The following ARHGAP22 variants were observed in gnomAD, a reference collection of about 807,000 sequenced individuals.
ARHGAP22 encodes the protein Rho GTPase activating protein 22, also known as rho GTPase-activating protein 22.
ARHGAP22 carries 48 observed loss-of-function variants against 59.1 expected under a neutral mutation model. The observed-to-expected ratio is 0.81, with a 90% confidence interval of 0.64 to 1.03. The LOEUF (loss-of-function observed/expected upper bound fraction) is 1.03, where lower values mean the gene tolerates loss of function less well. Among genes scored for constraint, ARHGAP22 ranks in the 50% least tolerant of loss-of-function variants. The pLI, the probability that ARHGAP22 is intolerant of heterozygous loss-of-function variation, is 0.00. For missense variants in ARHGAP22, 1,015 were observed against 958.7 expected (o/e 1.06, Z -0.78); for synonymous variants, 445 against 416.4 (o/e 1.07, Z -0.84).
At chr10:48,654,805 TCTTTCTTTCTTTCTTTCTTTCTTC>T (rs1437215004), upstream of ARHGAP22, among the ~76,000 whole-genome samples, 2 of 127,288 alleles carry the variant, frequency 1.6e-5, no homozygotes, top group Non-Finnish European at 3.5e-5. Context: ...TTTCTTTCTT[TCTTTCTTTCTTTCTTTCTTTCTTC>T]CTTCCTTCCT....
chr10:48,501,526 T>G (rs952012718), intron 3 of ARHGAP22, among the ~76,000 whole-genome samples: 1 of 152,220 alleles, frequency 6.6e-6, no homozygotes, highest in African/African-American at 2.4e-5. Context: ...TGGGCAGACC[T>G]TCGAGCTGTT....
chr10:48,491,479 T>A (rs2050382422), intron 3 of ARHGAP22, among the ~76,000 whole-genome samples: 1 of 152,262 alleles, frequency 6.6e-6, no homozygotes, highest in Non-Finnish European at 1.5e-5. Flanking sequence ...CTGATTGCAA[T>A]CAATACACTC....
At chr10:48,500,736 C>A (rs1390907904) in intron 3 of ARHGAP22, among the ~76,000 whole-genome samples, 1 of 151,726 alleles carries the variant, frequency 6.6e-6, no homozygotes, top group Non-Finnish European at 1.5e-5. Flanking sequence ...ACTAAAAATA[C>A]AAAAATTAGC....
chr10:48,654,390 C>T (rs892885691), upstream of ARHGAP22, among the ~76,000 whole-genome samples: 3 of 152,252 alleles, frequency 2.0e-5, no homozygotes, highest in African/African-American at 4.8e-5. Context: ...TCCCTACTCT[C>T]CCAAACATCT....
intron 4 of ARHGAP22, among the ~76,000 whole-genome samples, chr10:48,468,839 G>A (rs751655891): frequency 1.3e-5 from 2 of 152,064 alleles, no homozygotes; most frequent in African/African-American, 4.8e-5. Context: ...GTGGGGCCGC[G>A]GAGCTGTTTT....
intron 3 of ARHGAP22, among the ~76,000 whole-genome samples, chr10:48,519,422 T>C (rs1263170142): frequency 3.3e-5 from 5 of 152,242 alleles, no homozygotes; most frequent in Admixed American, 6.5e-5. Flanking sequence ...AGAGCTCATC[T>C]ATTACAATGC....
At chr10:48,429,875 T>A in the ARHGAP22 span, 7 of 152,196 alleles carry the variant, frequency 4.6e-5, no homozygotes, top group African/African-American at 1.7e-4. Flanking sequence ...ACAGACTCCT[T>A]GAAATTCGAT....
intron 3 of ARHGAP22, among the ~76,000 whole-genome samples, chr10:48,500,417 C>T (rs935571755): frequency 1.3e-5 from 2 of 151,940 alleles, no homozygotes; most frequent in African/African-American, 4.8e-5. Context: ...GGTGGCATGA[C>T]CAGAGAAAGA....
intron 3 of ARHGAP22, among the ~76,000 whole-genome samples, chr10:48,506,483 T>C (rs530876720): frequency 5.9e-5 from 9 of 152,336 alleles, no homozygotes; most frequent in Admixed American, 2.0e-4. Context: ...ATGCAATCTA[T>C]TGACTTAAAC....
At chr10:48,590,187 C>T (rs756948341) in intron 1 of ARHGAP22, among the ~76,000 whole-genome samples, 89 of 151,784 alleles carry the variant, frequency 5.9e-4, no homozygotes, top group Non-Finnish European at 1.1e-3. Context: ...CAGGAATGTT[C>T]CCTGCAAGCA....
chr10:48,655,270 G>T (rs901764471), upstream of ARHGAP22, among the ~76,000 whole-genome samples: 2 of 140,090 alleles, frequency 1.4e-5, no homozygotes, highest in Non-Finnish European at 3.1e-5. Context: ...GGGGGGGGGG[G>T]GCGGGGGACG....
At chr10:48,573,798 A>G (rs1333125620) in intron 2 of ARHGAP22, among the ~76,000 whole-genome samples, 1 of 152,248 alleles carries the variant, frequency 6.6e-6, no homozygotes, top group East Asian at 1.9e-4. Flanking sequence ...GAGGGCTTCA[A>G]TGATCTTCCC....
At chr10:48,575,913 T>C (rs892884549) in intron 2 of ARHGAP22, among the ~76,000 whole-genome samples, 1 of 152,216 alleles carries the variant, frequency 6.6e-6, no homozygotes, top group Non-Finnish European at 1.5e-5. Context: ...GCCTTTCTGC[T>C]TCCAGCCTGG....
intron 3 of ARHGAP22, among the ~76,000 whole-genome samples, chr10:48,503,891 G>A (rs2051797414): frequency 6.6e-6 from 1 of 152,262 alleles, no homozygotes; most frequent in African/African-American, 2.4e-5. Flanking sequence ...ATAGGAAGCA[G>A]ATATGAACCC....
chr10:48,609,192 C>T (rs1245986991), upstream of ARHGAP22, among the ~76,000 whole-genome samples: 1 of 152,238 alleles, frequency 6.6e-6, no homozygotes, highest in Non-Finnish European at 1.5e-5. Flanking sequence ...CTGTCTGCCC[C>T]AGTCACTGTA....
intron 3 of ARHGAP22, among the ~76,000 whole-genome samples, chr10:48,516,142 A>C (rs934927970): frequency 1.3e-5 from 2 of 152,208 alleles, no homozygotes; most frequent in African/African-American, 4.8e-5. Flanking sequence ...ACTGACCAAG[A>C]AAAAAATAAA....
At chr10:48,528,470 G>A (rs527967623) in intron 3 of ARHGAP22, among the ~76,000 whole-genome samples, 11 of 152,290 alleles carry the variant, frequency 7.2e-5, no homozygotes, top group Admixed American at 2.6e-4. Context: ...AGGTTGCCCC[G>A]GGAGCTGTAG....
At chr10:48,628,227 G>T (rs1053714891) in intron 1 of ARHGAP22, among the ~76,000 whole-genome samples, 1 of 152,180 alleles carries the variant, frequency 6.6e-6, no homozygotes, top group Non-Finnish European at 1.5e-5. Flanking sequence ...TGCTGTGCCT[G>T]GTGGCAGGTC....
At chr10:48,636,944 C>G (rs1327854944) in intron 1 of ARHGAP22, among the ~76,000 whole-genome samples, 1 of 152,208 alleles carries the variant, frequency 6.6e-6, no homozygotes, top group Non-Finnish European at 1.5e-5. Context: ...GAAGACATAT[C>G]AGGGAGGGCC....
Sources: gnomAD v4.1 joint callset for allele counts (sites outside exome capture counted in the v4.1 genomes callset) on GRCh38, gnomAD v4.1.1 for gene constraint, MANE v1.5 for transcripts, NCBI Gene and HGNC (gene_info 2026-07-23, HGNC 2026-07-21) for gene names.